The following KIAA1549 variants were observed in gnomAD, a reference collection of about 807,000 sequenced individuals.
KIAA1549 encodes the protein UPF0606 protein KIAA1549.
A neutral mutation model predicts 156.4 loss-of-function variants in KIAA1549; 70 were observed. The ratio of observed to expected loss-of-function variants is 0.45; its 90% CI spans 0.37 to 0.55. KIAA1549 has a LOEUF of 0.55. Among genes scored for constraint, KIAA1549 ranks in the 20% least tolerant of loss-of-function variants. The pLI, the probability that KIAA1549 is intolerant of heterozygous loss-of-function variation, is 0.00. For synonymous variants in KIAA1549, 1,103 were observed against 1,066.4 expected, an observed-to-expected ratio of 1.03 and a Z score of -0.67; for missense variants, 2,428 against 2,540.9, an observed-to-expected ratio of 0.96 and a Z score of 0.96.
chr7:138,857,061 G>A (rs1264331501), intron 16 of KIAA1549, among the ~76,000 whole-genome samples: 3 of 152,136 alleles, frequency 2.0e-5, no homozygotes, highest in African/African-American at 7.2e-5. Context: ...GATTCAGACT[G>A]GAAACCATCG....
At position 138,832,876 on chromosome 7, in the gene KIAA1549, C is replaced by T. The variant is rs536393638; in HGVS notation, c.*5030G>A. ...CGAATATCAAAAGAAACCCGAAATG[C>T]ACATCCTCCTTGTTCATTAGGTAAC... On this transcript the variant is annotated 3_prime_UTR_variant, in exon 20 of 20. Transcript: ENST00000422774. 8 of 228,966 alleles carry T rather than the reference C, an allele frequency of 3.5e-5. No homozygotes were observed. The East Asian group carries it at 5.0e-4, about 14-fold the overall frequency. 14.2% of individuals were successfully genotyped at this position (228,966 alleles called of 1,614,324 possible). A position where few individuals can be genotyped will look rare whatever the true frequency, so the allele number is the denominator to read the frequency against.
At chr7:138,966,252 G>T (rs992666051) in intron 1 of KIAA1549, among the ~76,000 whole-genome samples, 1 of 151,944 alleles carries the variant, frequency 6.6e-6, no homozygotes, top group Non-Finnish European at 1.5e-5. Context: ...CCAATACCAC[G>T]GTCCTTATGA....
rs1037866375 is a variant in KIAA1549 at position 138,837,112 on chromosome 7, G to C, written c.*794C>G. 5 of 227,492 alleles carry C rather than the reference G, an allele frequency of 2.2e-5. No individual in the cohort carries two copies. Among genetic ancestry groups the C allele is most frequent in the African/African-American group, 1.1e-4 (5 of 44,972 alleles). The allele number at this position is 227,492 out of a possible 1,614,324, so 14.1% of individuals were successfully genotyped here. A position where few individuals can be genotyped will look rare whatever the true frequency, so the allele number is the denominator to read the frequency against. On this transcript the variant is annotated 3_prime_UTR_variant, in exon 20 of 20. Transcript: ENST00000422774. ...AACAGCAAATACAATGAAGAATGTA[G>C]ATCTAAACTTTGATCTGTATTTTGG...
intron 16 of KIAA1549, among the ~76,000 whole-genome samples, chr7:138,856,485 C>T (rs371398102): frequency 6.6e-6 from 1 of 152,206 alleles, no homozygotes; most frequent in Non-Finnish European, 1.5e-5. Context: ...GTCACCAACT[C>T]TCTCACCAAG....
At chr7:138,852,091 T>C in intron 17 of KIAA1549, 132 bp downstream of exon 17, 1 of 572,832 alleles carries the variant, frequency 1.7e-6, no homozygotes, top group Non-Finnish European at 3.1e-6. Context: ...CCTCCTCTTC[T>C]GGTTAGATCA....
At chr7:138,967,664 C>T (rs1396517584) in intron 1 of KIAA1549, among the ~76,000 whole-genome samples, 1 of 152,084 alleles carries the variant, frequency 6.6e-6, no homozygotes, top group Non-Finnish European at 1.5e-5. Context: ...CCCAGTCTCC[C>T]AGCCCATCCT....
intron 1 of KIAA1549, among the ~76,000 whole-genome samples, chr7:138,922,211 T>C (rs760484880): frequency 1.3e-5 from 2 of 152,224 alleles, no homozygotes; most frequent in Non-Finnish European, 2.9e-5. Flanking sequence ...ATACTACTTG[T>C]ATAGTCCTAA....
rs1455322230 is a variant in KIAA1549 at position 138,832,497 on chromosome 7, C to A, written c.*5409G>T. 5.1e-6 allele frequency: 1 copy of A among 197,230 alleles called. No individual in the cohort carries two copies. The allele number at this position is 197,230 out of a possible 1,614,324, so 12.2% of individuals were successfully genotyped here. On this transcript the variant is annotated 3_prime_UTR_variant, in exon 20 of 20. Transcript: ENST00000422774. ...TAGAGGCTTGAGCCACCATGCCCAG[C>A]CTATTCACTCTTTCTTTAGAAATGT...
chr7:138,949,511 C>T (rs1428561536), intron 1 of KIAA1549, among the ~76,000 whole-genome samples: 5 of 151,892 alleles, frequency 3.3e-5, no homozygotes, highest in South Asian at 2.1e-4. Context: ...CTGTGGAGAC[C>T]GAAAGCCTAT....
At chr7:138,878,913 C>T (rs969774877) in intron 12 of KIAA1549, among the ~76,000 whole-genome samples, 1 of 152,094 alleles carries the variant, frequency 6.6e-6, no homozygotes, top group Non-Finnish European at 1.5e-5. Flanking sequence ...AAACAAGCTA[C>T]CTTGCTATCA....
chr7:138,894,992 A>G (rs917680897), intron 9 of KIAA1549, among the ~76,000 whole-genome samples: 2 of 152,206 alleles, frequency 1.3e-5, no homozygotes, highest in Admixed American at 6.5e-5. Context: ...CCTAGATCAC[A>G]TAAAGCACAT....
intron 12 of KIAA1549, 124 bp from the exon 13 acceptor site, chr7:138,871,486 C>A: frequency 1.4e-6 from 1 of 724,390 alleles, no homozygotes; most frequent in Non-Finnish European, 2.2e-6. Flanking sequence ...TACATCCCCA[C>A]TGCAGTAGCA....
At chr7:138,921,609 G>A (rs1257728346) in intron 1 of KIAA1549, among the ~76,000 whole-genome samples, 2 of 152,204 alleles carry the variant, frequency 1.3e-5, no homozygotes, top group African/African-American at 4.8e-5. Context: ...GCTCAGGCCT[G>A]TAATCCCAGC....
intron 1 of KIAA1549, among the ~76,000 whole-genome samples, chr7:138,937,822 C>G (rs1415667802): frequency 6.6e-6 from 1 of 151,978 alleles, no homozygotes; most frequent in African/African-American, 2.4e-5. Flanking sequence ...GAAATCTGGG[C>G]CAATGATAGA....
At chr7:138,941,069 A>T (rs1032849506) in intron 1 of KIAA1549, among the ~76,000 whole-genome samples, 163 of 152,104 alleles carry the variant, frequency 1.1e-3, no homozygotes, top group African/African-American at 3.7e-3. Flanking sequence ...CTTTTAAAAA[A>T]TTTTATTAAA....
chr7:138,833,335 A>G lies in KIAA1549; in HGVS notation c.*4571T>C, dbSNP rs1270319939. 1 of 232,430 alleles carries G rather than the reference A, an allele frequency of 4.3e-6. No homozygotes were observed. Among genetic ancestry groups the G allele is most frequent in the Non-Finnish European group, 8.5e-6 (1 of 117,592 alleles). The allele number at this position is 232,430 out of a possible 1,614,324, so 14.4% of individuals were successfully genotyped here. Reference sequence around the variant, plus strand: ...ACAACTAATTTGTGAATTACTGCCAATGCACTGCAAATCAGTGTCCGAATG... The same window carrying G: ...ACAACTAATTTGTGAATTACTGCCAGTGCACTGCAAATCAGTGTCCGAATG... On this transcript the variant is annotated 3_prime_UTR_variant, in exon 20 of 20. Transcript: ENST00000422774.
intron 10 of KIAA1549, among the ~76,000 whole-genome samples, chr7:138,883,991 C>T (rs74430992): frequency 0.028 from 4,313 of 152,274 alleles, 219 homozygotes; most frequent in African/African-American, 0.097. Flanking sequence ...CACCACAGAG[C>T]CCCAGGCATG....
intron 1 of KIAA1549, among the ~76,000 whole-genome samples, chr7:138,967,641 C>G (rs2130566745): frequency 6.6e-6 from 1 of 152,264 alleles, no homozygotes; most frequent in South Asian, 2.1e-4. Context: ...ATTCCTGGAG[C>G]CGCCTTCCCC....
At chr7:138,895,540 G>A (rs1189176856) in intron 9 of KIAA1549, among the ~76,000 whole-genome samples, 1 of 151,944 alleles carries the variant, frequency 6.6e-6, no homozygotes, top group Admixed American at 6.6e-5. Flanking sequence ...AGGACAAAAT[G>A]TATGATTCTA....
Sources: allele counts gnomAD v4.1 joint callset (sites outside exome capture counted in the v4.1 genomes callset), GRCh38; gene constraint gnomAD v4.1.1; transcripts MANE v1.5; gene names NCBI Gene and HGNC (gene_info 2026-07-23, HGNC 2026-07-21).